The following ABL1 variants were observed in gnomAD, a reference collection of about 807,000 sequenced individuals.
The protein encoded by ABL1 is ABL proto-oncogene 1, non-receptor tyrosine kinase.
Under a neutral mutation model 94.7 loss-of-function variants are expected in ABL1, and 11 were observed. That is an observed-to-expected ratio of 0.12 (90% CI 0.07 to 0.19). ABL1 has a LOEUF of 0.19. Among genes scored for constraint, ABL1 ranks in the 10% least tolerant of loss-of-function variants. ABL1 has a pLI of 1.00. For synonymous variants in ABL1, 656 were observed against 622.4 expected (o/e 1.05, Z -0.80); for missense variants, 1,082 against 1,489.4 (o/e 0.73, Z 4.50).
rs199918323 is a variant in ABL1 at position 130,744,879 on chromosome 9, C to CT, written c.136+30425dup. 7.3e-3 allele frequency among the ~76,000 whole-genome samples: 1,082 copies of CT among 148,496 alleles called. 15 individuals are homozygous for CT. Among genetic ancestry groups the CT allele is most frequent in the African/African-American group, 0.025 (1,009 of 40,344 alleles). On this transcript the variant is annotated intron_variant, in intron 1 of 10. Coordinates refer to the ABL1 transcript ENST00000372348. ...CTCAAAAAAAAAAAAAAAAACAAAA[C>CT]TATCTTTTCTCTCTGGTTTCTTTGC...
At chr9:130,737,048 C>T (rs1017495923) in intron 1 of ABL1, among the ~76,000 whole-genome samples, 1 of 152,112 alleles carries the variant, frequency 6.6e-6, no homozygotes, top group East Asian at 1.9e-4. Context: ...CAGGTCTACC[C>T]CCAGGGGTTA....
chr9:130,866,761 G>C (rs1012864574), intron 4 of ABL1, among the ~76,000 whole-genome samples: 8 of 152,228 alleles, frequency 5.3e-5, no homozygotes, highest in Non-Finnish European at 1.0e-4. Context: ...AATTTTGATA[G>C]TATTGGGCAG....
At chr9:130,725,110 C>CTTTTAG in intron 1 of ABL1, 1 of 201,288 alleles carries the variant, frequency 5.0e-6, no homozygotes. Flanking sequence ...ACCATTTTAA[C>CTTTTAG]CTGTTTAGGT....
At chr9:130,813,961 G>A (rs1179546030) in intron 1 of ABL1, among the ~76,000 whole-genome samples, 3 of 152,126 alleles carry the variant, frequency 2.0e-5, no homozygotes, top group African/African-American at 7.2e-5. Context: ...TAGAAAAAAT[G>A]AAGACTAGTG....
At chr9:130,867,289 A>G (rs1300219926) in intron 4 of ABL1, among the ~76,000 whole-genome samples, 1 of 152,148 alleles carries the variant, frequency 6.6e-6, no homozygotes, top group African/African-American at 2.4e-5. Flanking sequence ...TGTTGTCCAC[A>G]TCATGTGTCT....
intron 1 of ABL1, among the ~76,000 whole-genome samples, chr9:130,836,369 A>G (rs1035294019): frequency 6.6e-6 from 1 of 152,156 alleles, no homozygotes; most frequent in Non-Finnish European, 1.5e-5. Context: ...AAAGTAAATT[A>G]AGGGTTATGG....
At chr9:130,816,018 C>CA (rs1263666496) in intron 1 of ABL1, among the ~76,000 whole-genome samples, 1 of 152,120 alleles carries the variant, frequency 6.6e-6, no homozygotes, top group African/African-American at 2.4e-5. Flanking sequence ...GACTCTGTCT[C>CA]AAAAAATATA....
intron 1 of ABL1, among the ~76,000 whole-genome samples, chr9:130,817,468 C>T (rs1224622915): frequency 6.6e-6 from 1 of 152,168 alleles, no homozygotes; most frequent in Non-Finnish European, 1.5e-5. Context: ...TTCTCCTCTG[C>T]CTTTGCCTCT....
At chr9:130,835,042 G>A (rs1830542416), upstream of ABL1, 46 of 326,426 alleles carry the variant, frequency 1.4e-4, no homozygotes, top group South Asian at 9.7e-4. The surrounding 1 kb of genome is among the most constrained non-coding windows in gnomAD (Gnocchi z 4.6). Context: ...TCCAGGCGGA[G>A]AAAGACCTCC....
chr9:130,735,961 A>ATTTTTTTT (rs141181174), intron 1 of ABL1, among the ~76,000 whole-genome samples: 65 of 94,846 alleles, frequency 6.9e-4, no homozygotes, highest in African/African-American at 2.0e-3. Flanking sequence ...ATATATATAT[A>ATTTTTTTT]TTTTTTTTTT....
At chr9:130,826,937 GC>G (rs1830433953) in intron 1 of ABL1, among the ~76,000 whole-genome samples, 1 of 152,186 alleles carries the variant, frequency 6.6e-6, no homozygotes, top group African/African-American at 2.4e-5. Context: ...AATTAGCCGG[GC>G]GTGGTGGCGG....
chr9:130,815,100 G>A (rs945120664), intron 1 of ABL1, among the ~76,000 whole-genome samples: 2 of 152,038 alleles, frequency 1.3e-5, no homozygotes, highest in Non-Finnish European at 2.9e-5. Flanking sequence ...TTGGGAGGCT[G>A]AGGCAGGTGG....
At chr9:130,740,280 A>G (rs1475108720) in intron 1 of ABL1, among the ~76,000 whole-genome samples, 1 of 152,240 alleles carries the variant, frequency 6.6e-6, no homozygotes, top group Non-Finnish European at 1.5e-5. Context: ...AGAAGGTCAG[A>G]GCACTGATGG....
At position 130,880,671 on chromosome 9, in the gene ABL1, C is replaced by A. The variant is rs763181977; in HGVS notation, c.1678+7C>A. ...AAGGGCCAGGGAGAGAGCGGTAAGT[C>A]CCCCGCTTCCCCCAACCCCACTGCT... On this transcript the variant is annotated splice_region_variant and intron_variant, in intron 10 of 10. Coordinates refer to ENST00000318560, the MANE Select transcript of ABL1 (RefSeq NM_005157.6). The surrounding 1 kb of genome is among the most constrained non-coding windows in gnomAD (Gnocchi z 4.4). 1.2e-6 allele frequency: 2 copies of A among 1,612,168 alleles called. No homozygotes were observed. Among genetic ancestry groups the A allele is most frequent in the Admixed American group, 3.3e-5 (2 of 59,878 alleles).
intron 1 of ABL1, among the ~76,000 whole-genome samples, chr9:130,819,648 A>G (rs1241949259): frequency 1.5e-5 from 2 of 136,910 alleles, no homozygotes; most frequent in African/African-American, 5.6e-5. Flanking sequence ...AAGCAATTCT[A>G]TTGCCTCAGC....
At chr9:130,718,680 A>G (rs1014053389) in intron 1 of ABL1, among the ~76,000 whole-genome samples, 10 of 152,248 alleles carry the variant, frequency 6.6e-5, no homozygotes, top group African/African-American at 2.4e-4. Flanking sequence ...CAGGAGTTCA[A>G]GATCATCCTG....
intron 1 of ABL1, among the ~76,000 whole-genome samples, chr9:130,728,060 C>A (rs1462726464): frequency 6.6e-6 from 1 of 151,666 alleles, no homozygotes; most frequent in African/African-American, 2.4e-5. Context: ...GTTTTTGCCT[C>A]TTTTTTTGTT....
intron 1 of ABL1, among the ~76,000 whole-genome samples, chr9:130,826,312 G>A (rs1830423357): frequency 6.6e-6 from 1 of 151,920 alleles, no homozygotes; most frequent in Non-Finnish European, 1.5e-5. Context: ...GTAGAGATGG[G>A]GTTTCGCCAT....
upstream of ABL1, chr9:130,834,110 G>T (rs542073689): frequency 1.3e-5 from 6 of 455,784 alleles, no homozygotes; most frequent in Non-Finnish European, 2.2e-5. Flanking sequence ...CATCTGTGGG[G>T]TTTGTTTGTT....
Sources: gnomAD v4.1 joint callset for allele counts (sites outside exome capture counted in the v4.1 genomes callset) on GRCh38, gnomAD v4.1.1 for gene constraint, Gnocchi (gnomAD v3.1) non-coding constraint, MANE v1.5 for transcripts, NCBI Gene and HGNC (gene_info 2026-07-23, HGNC 2026-07-21) for gene names.